TRIM39: variants seen among roughly 807,000 people sequenced by gnomAD.
The protein encoded by TRIM39 is E3 ubiquitin-protein ligase TRIM39.
In TRIM39, 5 loss-of-function variants were observed where a neutral mutation model predicts 53.6. The observed-to-expected ratio is 0.09, with a 90% CI of 0.05 to 0.20. The LOEUF is 0.20. Ranked by LOEUF, TRIM39 falls within the 10% of genes least tolerant of loss-of-function variation. The pLI is 1.00. For synonymous variants in TRIM39, 196 were observed against 237.6 expected (o/e 0.82, Z 1.61); for missense variants, 310 against 621.0 (o/e 0.50, Z 5.32).
Position 30,342,107 on chromosome 6 carries a change from C to T in TRIM39, c.1315C>T (p.Leu439=), listed in dbSNP as rs771293406. 6.2e-7 allele frequency: 1 copy of T among 1,613,122 alleles called. No individual in the cohort carries two copies. Among genetic ancestry groups the T allele is most frequent in the South Asian group, 1.1e-5 (1 of 91,086 alleles). ...ATTCCTAGACTATGAGGCCGGCACA[C>T]TGTCTTTCTACAATGTCACAGACCG... Residue 439 remains leucine, a synonymous_variant, in exon 8 of 8, where the codon CTG becomes TTG. Transcript: ENST00000396551. This position sits in a 1 kb window ranked among gnomAD's most constrained non-coding sequence, Gnocchi z 4.7.
At chr6:30,332,829 C>T (rs2127394074) in intron 4 of TRIM39, among the ~76,000 whole-genome samples, 1 of 152,304 alleles carries the variant, frequency 6.6e-6, no homozygotes, top group African/African-American at 2.4e-5. Context: ...CAACATTCCT[C>T]TTGTGACCAT....
chr6:30,340,022 A>C (rs1787311876), intron 6 of TRIM39, 92 bp downstream of exon 6: 8 of 1,590,906 alleles, frequency 5.0e-6, no homozygotes, highest in Non-Finnish European at 6.9e-6. Flanking sequence ...TGAGGTTGGG[A>C]AAGTCATGTA....
At position 30,340,311 on chromosome 6, in the gene TRIM39, C is replaced by G. The variant is rs1787354027; in HGVS notation, c.804-194C>G. 1.2e-6 allele frequency: 2 copies of G among 1,613,068 alleles called. No individual in the cohort carries two copies. The highest frequency in any genetic ancestry group is 1.7e-6 in the Non-Finnish European group (2 of 1,180,018). The stretch of plus-strand genomic sequence containing the variant: ...AGTTCGGAGGCTCACTCTCAACGAT[C>G]TGTCCACGGGATCATAAGGCTCTCC... On this transcript the variant is annotated intron_variant, in intron 6 of 7. Coordinates refer to ENST00000396551, the Ensembl canonical transcript of TRIM39.
chr6:30,331,472 C>G (rs1356431094), intron 4 of TRIM39, among the ~76,000 whole-genome samples: 1 of 152,058 alleles, frequency 6.6e-6, no homozygotes, highest in Non-Finnish European at 1.5e-5. Flanking sequence ...TCTTGGTCTC[C>G]TTTTTTTGTT....
chr6:30,340,838 T>C (rs1208392185), intron 7 of TRIM39, among the ~76,000 whole-genome samples: 1 of 152,162 alleles, frequency 6.6e-6, no homozygotes, highest in African/African-American at 2.4e-5. Context: ...CTTTTCTAAA[T>C]AGAGACCCAG....
rs1787657606 is a variant in TRIM39 at position 30,342,502 on chromosome 6, A to G, written c.*243A>G. On this transcript the variant is annotated 3_prime_UTR_variant, in exon 8 of 8. Transcript: ENST00000396551. This position sits in a 1 kb window ranked among gnomAD's most constrained non-coding sequence, Gnocchi z 4.7. Reference sequence around the variant, plus strand: ...GGAGCTGGTTCCCAGAGGATTGTCTACCCTGAAGTCCATCAGGTTTTCTGT... The same window carrying G: ...GGAGCTGGTTCCCAGAGGATTGTCTGCCCTGAAGTCCATCAGGTTTTCTGT... 1 of 581,504 alleles carries G rather than the reference A, an allele frequency of 1.7e-6. No homozygotes were observed. The highest frequency in any genetic ancestry group is 3.0e-6 in the Non-Finnish European group (1 of 328,880). The allele number at this position is 581,504 out of a possible 1,614,324, so 36.0% of individuals were successfully genotyped here.
chr6:30,329,252 AAAAG>A, intron 2 of TRIM39, 55 bp from the exon 3 acceptor site: 1 of 1,524,556 alleles, frequency 6.6e-7, no homozygotes, highest in Non-Finnish European at 8.8e-7. Context: ...AAAAAAAAAA[AAAAG>A]AAAAAACCTC....
chr6:30,331,789 C>T (rs904358979), intron 4 of TRIM39, among the ~76,000 whole-genome samples: 2 of 152,184 alleles, frequency 1.3e-5, no homozygotes, highest in African/African-American at 4.8e-5. Context: ...AATTTTCATA[C>T]AATTTTGCAC....
chr6:30,342,001 A>C lies in TRIM39; in HGVS notation c.1209A>C (p.Leu403=). ...AGACTGGCTACTGGCGGGTGCGGCT[A>C]TGGAATGGGGACAAATATGCAGCCA... Residue 403 remains leucine (L), a synonymous_variant, in exon 8 of 8, where the codon CTA becomes CTC. Transcript: ENST00000396551. This position sits in a 1 kb window ranked among gnomAD's most constrained non-coding sequence, Gnocchi z 4.7. 1 of 1,612,900 alleles carries C rather than the reference A, an allele frequency of 6.2e-7. No individual in the cohort carries two copies. Among genetic ancestry groups the C allele is most frequent in the Non-Finnish European group, 8.5e-7 (1 of 1,179,980 alleles).
In TRIM39 at chr6:30,335,691, G is replaced by T; in HGVS notation, c.550-54G>T. 6.4e-7 allele frequency: 1 copy of T among 1,569,540 alleles called. No individual in the cohort carries two copies. The highest frequency in any genetic ancestry group is 8.6e-7 in the Non-Finnish European group (1 of 1,158,938). On this transcript the variant is annotated intron_variant, in intron 4 of 7. Transcript: ENST00000396551. The surrounding 1 kb of genome is among the most constrained non-coding windows in gnomAD (Gnocchi z 4.7). ...CATACATATGGTGGGTGAGAGAAAG[G>T]CTTCCTTATACCACACTGACCCTGC...
intron 1 of TRIM39, among the ~76,000 whole-genome samples, chr6:30,328,420 A>G (rs1785679535): frequency 6.6e-6 from 1 of 152,280 alleles, no homozygotes; most frequent in South Asian, 2.1e-4. Flanking sequence ...AGAAGAGAGC[A>G]GATTTCCTTT....
At chr6:30,329,398 G>A (rs750677160) in exon 3 of TRIM39, 22 of 1,612,936 alleles carry the variant, frequency 1.4e-5, no homozygotes, top group Non-Finnish European at 1.8e-5. Flanking sequence ...AGGTGGAGGC[G>A]AGCTGCTCTG....
Position 30,339,894 on chromosome 6 carries a change from C to A in TRIM39, c.781-14C>A, listed in dbSNP as rs1053698833. 1 of 1,613,948 alleles carries A rather than the reference C, an allele frequency of 6.2e-7. No homozygotes were observed. On this transcript the variant is annotated splice_polypyrimidine_tract_variant and intron_variant, in intron 5 of 7. Coordinates refer to ENST00000396551, the Ensembl canonical transcript of TRIM39. This position sits in a 1 kb window ranked among gnomAD's most constrained non-coding sequence, Gnocchi z 4.2. The stretch of plus-strand genomic sequence containing the variant: ...ACCAGGACCAATATTGCTTTCTTTT[C>A]TCCTTCCTTCTAGGATGTCAAAAGT...
At chr6:30,333,233 C>A (rs1248630089) in intron 4 of TRIM39, among the ~76,000 whole-genome samples, 1 of 151,334 alleles carries the variant, frequency 6.6e-6, no homozygotes, top group East Asian at 1.9e-4. Context: ...ACAATATAAT[C>A]TTGGGTTTTA....
At chr6:30,333,583 G>C (rs953457744) in intron 4 of TRIM39, among the ~76,000 whole-genome samples, 5 of 151,606 alleles carry the variant, frequency 3.3e-5, no homozygotes, top group Non-Finnish European at 7.4e-5. Flanking sequence ...GGATGGTCTC[G>C]ATCTCCTGAC....
At chr6:30,330,795 G>C (rs1318579202) in exon 4 of TRIM39, 2 of 1,614,188 alleles carry the variant, frequency 1.2e-6, no homozygotes, top group African/African-American at 1.3e-5. Flanking sequence ...AACTGCAGAA[G>C]TGTCTGGAGC....
At chr6:30,333,042 A>C (rs1309851770) in intron 4 of TRIM39, among the ~76,000 whole-genome samples, 1 of 152,226 alleles carries the variant, frequency 6.6e-6, no homozygotes, top group Non-Finnish European at 1.5e-5. Context: ...GACTACCCTG[A>C]ACGACTTTAC....
At position 30,340,639 on chromosome 6, in the gene TRIM39, G is replaced by A. The variant is rs376126107; in HGVS notation, c.919+19G>A. ...CTAATTGGTGAGTTGTTCCCAAAAG[G>A]AAACTAGAAGAAACCACTAGAGAGA... On this transcript the variant is annotated intron_variant, in intron 7 of 7. Coordinates refer to ENST00000396551, the Ensembl canonical transcript of TRIM39. 2.5e-6 allele frequency: 4 copies of A among 1,602,584 alleles called. No homozygotes were observed. The highest frequency in any genetic ancestry group is 3.4e-6 in the Non-Finnish European group (4 of 1,176,952).
exon 3 of TRIM39, chr6:30,329,643 A>G (rs762299529): frequency 7.4e-6 from 12 of 1,612,964 alleles, no homozygotes; most frequent in Non-Finnish European, 9.3e-6. Context: ...CTCTGCCCCC[A>G]ACACCATGAG....
Sources: gnomAD v4.1 joint callset for allele counts (sites outside exome capture counted in the v4.1 genomes callset) on GRCh38, gnomAD v4.1.1 for gene constraint, Gnocchi (gnomAD v3.1) non-coding constraint, MANE v1.5 for transcripts, NCBI Gene and HGNC (gene_info 2026-07-23, HGNC 2026-07-21) for gene names.